Variants in MNAT1 observed in about 807,000 individuals in gnomAD.
MNAT1 encodes the protein MNAT1 component of CDK activating kinase.
In MNAT1, 43 loss-of-function variants were observed where a neutral mutation model predicts 42.0. The ratio of observed to expected loss-of-function variants is 1.02; its 90% CI spans 0.80 to 1.32. The LOEUF (loss-of-function observed/expected upper bound fraction) is 1.32, where lower values mean the gene tolerates loss of function less well. Among genes scored for constraint, MNAT1 ranks in the 40% most tolerant of loss-of-function variants. The pLI, the probability that MNAT1 is intolerant of heterozygous loss-of-function variation, is 0.00. For missense variants in MNAT1, 306 were observed against 350.4 expected (o/e 0.87, Z 1.01); for synonymous variants, 118 against 120.0 (o/e 0.98, Z 0.11).
chr14:60,956,070 A>G (rs2036482806), intron 7 of MNAT1, among the ~76,000 whole-genome samples: 1 of 151,872 alleles, frequency 6.6e-6, no homozygotes, highest in Non-Finnish European at 1.5e-5. Context: ...TACACTAACT[A>G]GTTCTTTAAA....
intron 1 of MNAT1, among the ~76,000 whole-genome samples, chr14:60,736,269 T>G (rs1448426565): frequency 6.6e-6 from 1 of 151,984 alleles, no homozygotes; most frequent in Non-Finnish European, 1.5e-5. Context: ...TCAGGTTTGT[T>G]ATGGTGGAAC....
chr14:60,838,065 GC>G (rs1279995630), intron 6 of MNAT1, among the ~76,000 whole-genome samples: 1 of 151,890 alleles, frequency 6.6e-6, no homozygotes, highest in African/African-American at 2.4e-5. Context: ...CCTCTGATCA[GC>G]CTGGCTAGAG....
intron 7 of MNAT1, among the ~76,000 whole-genome samples, chr14:60,914,228 C>G (rs1470691849): frequency 1.3e-5 from 2 of 152,220 alleles, no homozygotes; most frequent in African/African-American, 2.4e-5. Context: ...TCTGTCACCC[C>G]TTTCTTTGAC....
chr14:60,797,098 GTTA>G (rs1315361845), intron 2 of MNAT1, among the ~76,000 whole-genome samples: 2 of 151,856 alleles, frequency 1.3e-5, no homozygotes, highest in African/African-American at 2.4e-5. Context: ...CCTTTTATCT[GTTA>G]TTATGAGAAA....
At chr14:60,851,905 T>A (rs1320595934) in intron 6 of MNAT1, among the ~76,000 whole-genome samples, 1 of 152,250 alleles carries the variant, frequency 6.6e-6, no homozygotes, top group African/African-American at 2.4e-5. Flanking sequence ...GGCTGCGTAG[T>A]ATTCCATGGT....
chr14:60,854,109 A>G (rs571763959), intron 6 of MNAT1, among the ~76,000 whole-genome samples: 19 of 152,288 alleles, frequency 1.2e-4, no homozygotes, highest in Middle Eastern at 6.8e-3. Context: ...ATACTTGTGT[A>G]TGCTTCACGA....
At chr14:60,741,191 A>G (rs1019217290) in intron 1 of MNAT1, among the ~76,000 whole-genome samples, 1 of 152,082 alleles carries the variant, frequency 6.6e-6, no homozygotes, top group Non-Finnish European at 1.5e-5. Context: ...ACTATTTGAT[A>G]GTGTGCATTT....
intron 7 of MNAT1, among the ~76,000 whole-genome samples, chr14:60,929,592 T>G (rs1243904655): frequency 6.6e-6 from 1 of 152,074 alleles, no homozygotes; most frequent in Non-Finnish European, 1.5e-5. Context: ...TTGCCTATTA[T>G]CCCCAGTAAT....
chr14:60,790,847 C>T (rs562940884), intron 1 of MNAT1, among the ~76,000 whole-genome samples: 2 of 152,236 alleles, frequency 1.3e-5, no homozygotes, highest in Admixed American at 1.3e-4. Context: ...ATCGCAAAAG[C>T]CCTAATTAAT....
At chr14:60,760,515 G>T (rs1260443087) in intron 1 of MNAT1, among the ~76,000 whole-genome samples, 2 of 152,114 alleles carry the variant, frequency 1.3e-5, no homozygotes, top group Admixed American at 1.3e-4. Flanking sequence ...ATGATTGTAA[G>T]AATACAGACA....
chr14:60,821,557 G>A (rs1338593413), intron 6 of MNAT1, among the ~76,000 whole-genome samples: 1 of 152,080 alleles, frequency 6.6e-6, no homozygotes, highest in Non-Finnish European at 1.5e-5. Flanking sequence ...TACTCTGTTT[G>A]GAATATACTT....
intron 6 of MNAT1, among the ~76,000 whole-genome samples, chr14:60,858,502 T>C (rs1023689670): frequency 6.6e-6 from 1 of 152,034 alleles, no homozygotes; most frequent in African/African-American, 2.4e-5. Flanking sequence ...ATTGCATAAC[T>C]TTTCTCCCAT....
chr14:60,917,938 C>T (rs952631204), intron 7 of MNAT1, among the ~76,000 whole-genome samples: 5 of 151,974 alleles, frequency 3.3e-5, no homozygotes, highest in African/African-American at 9.7e-5. Context: ...GAGCTTGTTA[C>T]TTCTTCTGGT....
At chr14:60,944,440 G>T (rs879819549) in intron 7 of MNAT1, among the ~76,000 whole-genome samples, 2 of 152,186 alleles carry the variant, frequency 1.3e-5, no homozygotes, top group Non-Finnish European at 2.9e-5. Flanking sequence ...CAGATAGAAG[G>T]CCAGGAAGAG....
rs1473295920 is a variant in MNAT1 at position 60,734,790 on chromosome 14, C to T, written c.-73C>T. On this transcript the variant is annotated 5_prime_UTR_variant, in exon 1 of 8. Coordinates refer to ENST00000261245, the MANE Select transcript of MNAT1 (RefSeq NM_002431.4). The surrounding 1 kb of genome is among the most constrained non-coding windows in gnomAD (Gnocchi z 4.3). ...GCCTGTTGGTAGGAACCTGCTTGGT[C>T]GCGTCTGAGGGGGCTTGTAGGTGGC... The T allele has an allele frequency of 1.4e-6, 2 of 1,419,726 alleles. No homozygotes were observed. Among genetic ancestry groups the T allele is most frequent in the Non-Finnish European group, 2.0e-6 (2 of 1,007,946 alleles). The allele number at this position is 1,419,726 out of a possible 1,614,324, so 87.9% of individuals were successfully genotyped here.
intron 7 of MNAT1, among the ~76,000 whole-genome samples, chr14:60,891,929 A>T (rs2034854405): frequency 6.6e-6 from 1 of 151,954 alleles, no homozygotes; most frequent in African/African-American, 2.4e-5. Context: ...AGTGTATTGT[A>T]CGATTTCTAC....
intron 1 of MNAT1, among the ~76,000 whole-genome samples, chr14:60,791,962 ATG>A (rs1430674335): frequency 6.6e-6 from 1 of 152,142 alleles, no homozygotes; most frequent in African/African-American, 2.4e-5. Context: ...AGAAAAGAAA[ATG>A]TCTAATATTT....
chr14:60,873,528 G>A (rs2034373159), intron 6 of MNAT1, among the ~76,000 whole-genome samples: 1 of 152,018 alleles, frequency 6.6e-6, no homozygotes. Context: ...GAGTACAGTG[G>A]CACAATCACA....
At chr14:60,736,131 A>G (rs1896301199) in intron 1 of MNAT1, among the ~76,000 whole-genome samples, 1 of 152,214 alleles carries the variant, frequency 6.6e-6, no homozygotes, top group African/African-American at 2.4e-5. Context: ...TGATTGAATG[A>G]TTTAAGATTA....
Sources: gnomAD v4.1 joint callset for allele counts (sites outside exome capture counted in the v4.1 genomes callset) on GRCh38, gnomAD v4.1.1 for gene constraint, Gnocchi (gnomAD v3.1) non-coding constraint, MANE v1.5 for transcripts, NCBI Gene and HGNC (gene_info 2026-07-23, HGNC 2026-07-21) for gene names.